Variants in PIP5K1B observed in about 807,000 individuals in gnomAD.
PIP5K1B encodes the protein phosphatidylinositol 4-phosphate 5-kinase type-1 beta.
In PIP5K1B, 42 loss-of-function variants were observed where a neutral mutation model predicts 67.0. That is an observed-to-expected ratio of 0.63 (90% CI 0.49 to 0.81). The LOEUF (loss-of-function observed/expected upper bound fraction) is 0.81, where lower values mean the gene tolerates loss of function less well. Among genes scored for constraint, PIP5K1B ranks in the 30% least tolerant of loss-of-function variants. The pLI is 0.00. For missense variants in PIP5K1B, 459 were observed against 646.3 expected, an observed-to-expected ratio of 0.71 and a Z score of 3.14; for synonymous variants, 214 against 231.4, an observed-to-expected ratio of 0.92 and a Z score of 0.68.
rs1021660342 is a variant in PIP5K1B at position 68,889,254 on chromosome 9, C to T, written c.471+121C>T. On this transcript the variant is annotated intron_variant, in intron 7 of 15. Coordinates refer to ENST00000265382, the MANE Select transcript of PIP5K1B (RefSeq NM_003558.4). ...TTCTTTCTCTTTGGTAAGCTTTATT[C>T]TGCATTTAAATTATGCTATGACATT... 8.3e-6 allele frequency: 6 copies of T among 723,328 alleles called. No individual in the cohort carries two copies. The East Asian group carries it at 1.5e-4, about 18-fold the overall frequency. 44.8% of individuals were successfully genotyped at this position (723,328 alleles called of 1,614,324 possible).
chr9:68,846,533 A>T (rs992149252), intron 4 of PIP5K1B, among the ~76,000 whole-genome samples: 4 of 152,200 alleles, frequency 2.6e-5, no homozygotes, highest in African/African-American at 9.7e-5. Context: ...TAGGGCTGGC[A>T]TATGGAAAAA....
chr9:68,755,315 CCTTGAAA>C (rs1357581194), intron 2 of PIP5K1B, among the ~76,000 whole-genome samples: 1 of 152,188 alleles, frequency 6.6e-6, no homozygotes, highest in East Asian at 1.9e-4. Flanking sequence ...CACCATGGCA[CCTTGAAA>C]GCACATTTAT....
chr9:68,862,519 C>T (rs1376465013), intron 4 of PIP5K1B, among the ~76,000 whole-genome samples: 1 of 152,088 alleles, frequency 6.6e-6, no homozygotes, highest in African/African-American at 2.4e-5. Flanking sequence ...GTGGGCCGGG[C>T]ATGGTGGCTC....
chr9:68,856,966 C>T lies in PIP5K1B; in HGVS notation c.70-6871C>T, dbSNP rs371159875. On this transcript the variant is annotated intron_variant, in intron 4 of 15. Transcript: ENST00000265382. ...AAAGATTTTGAGATAGGGAGATTAT[C>T]TTAGATTATCCAGATGGGTCCATAT... Among the ~76,000 whole-genome samples, 14 of 152,314 alleles carry T rather than the reference C, an allele frequency of 9.2e-5. No homozygotes were observed. In the East Asian group the frequency reaches 1.5e-3, roughly 17 times the overall value.
intron 1 of PIP5K1B, among the ~76,000 whole-genome samples, chr9:68,710,049 A>T (rs1827310610): frequency 6.6e-6 from 1 of 152,190 alleles, no homozygotes. Flanking sequence ...TTGCATTTGC[A>T]TTTTGCTTGT....
intron 12 of PIP5K1B, among the ~76,000 whole-genome samples, chr9:68,931,179 A>C (rs1826975545): frequency 6.6e-6 from 1 of 152,230 alleles, no homozygotes; most frequent in African/African-American, 2.4e-5. Context: ...TTTCCTGGAA[A>C]TATTAGCCAC....
At chr9:68,865,579 G>T (rs1823316705) in intron 5 of PIP5K1B, among the ~76,000 whole-genome samples, 1 of 152,182 alleles carries the variant, frequency 6.6e-6, no homozygotes, top group Non-Finnish European at 1.5e-5. Context: ...GAAGGTGGGG[G>T]TATAAAGACG....
chr9:68,791,883 AG>A (rs1831990742), intron 2 of PIP5K1B, among the ~76,000 whole-genome samples: 2 of 152,208 alleles, frequency 1.3e-5, no homozygotes, highest in South Asian at 4.1e-4. Flanking sequence ...CCAGTACTCT[AG>A]CTAACTGAGC....
At chr9:68,726,703 A>C (rs1828163045) in intron 1 of PIP5K1B, among the ~76,000 whole-genome samples, 2 of 152,218 alleles carry the variant, frequency 1.3e-5, no homozygotes, top group South Asian at 4.1e-4. Flanking sequence ...TAGCAAGATA[A>C]GCTATAGCTG....
intron 4 of PIP5K1B, among the ~76,000 whole-genome samples, chr9:68,852,218 T>TTTA (rs1330314805): frequency 1.3e-5 from 2 of 152,020 alleles, no homozygotes; most frequent in Non-Finnish European, 2.9e-5. Flanking sequence ...ATCCTAGAAC[T>TTTA]CAAAGTAAAA....
At chr9:68,766,843 A>G (rs1484495475) in intron 2 of PIP5K1B, among the ~76,000 whole-genome samples, 3 of 152,206 alleles carry the variant, frequency 2.0e-5, no homozygotes, top group Non-Finnish European at 2.9e-5. Flanking sequence ...ATGAAACACT[A>G]TGGAGATAGG....
intron 8 of PIP5K1B, among the ~76,000 whole-genome samples, chr9:68,910,180 A>C (rs1237973787): frequency 6.6e-6 from 1 of 152,208 alleles, no homozygotes; most frequent in East Asian, 1.9e-4. Context: ...AGCTCAGCCT[A>C]ATTTATAGCA....
intron 2 of PIP5K1B, among the ~76,000 whole-genome samples, chr9:68,790,312 A>G (rs1831888259): frequency 6.6e-6 from 1 of 152,130 alleles, no homozygotes; most frequent in African/African-American, 2.4e-5. Flanking sequence ...AAAAAGGAAA[A>G]CCTCCCTTTG....
chr9:68,849,976 T>C (rs1458370690), intron 4 of PIP5K1B, among the ~76,000 whole-genome samples: 3 of 152,248 alleles, frequency 2.0e-5, no homozygotes, highest in African/African-American at 7.2e-5. Flanking sequence ...ATAGGGTATA[T>C]GCGCTTGGAA....
At chr9:68,795,842 C>T (rs935352893) in intron 2 of PIP5K1B, among the ~76,000 whole-genome samples, 1 of 152,068 alleles carries the variant, frequency 6.6e-6, no homozygotes, top group East Asian at 1.9e-4. Context: ...AGTCAATCAA[C>T]CTTGTTCTAT....
At chr9:68,950,862 G>A (rs1474717087) in intron 14 of PIP5K1B, among the ~76,000 whole-genome samples, 1 of 152,184 alleles carries the variant, frequency 6.6e-6, no homozygotes, top group African/African-American at 2.4e-5. Flanking sequence ...TAATTTAAAT[G>A]ACTTGTTGAT....
intron 13 of PIP5K1B, among the ~76,000 whole-genome samples, chr9:68,938,525 T>C (rs543647270): frequency 6.6e-6 from 1 of 152,290 alleles, no homozygotes; most frequent in Admixed American, 6.5e-5. Flanking sequence ...ATACAGCACA[T>C]TGATGGATCT....
At chr9:68,739,292 CT>C (rs1489677489) in intron 1 of PIP5K1B, among the ~76,000 whole-genome samples, 1 of 152,188 alleles carries the variant, frequency 6.6e-6, no homozygotes, top group East Asian at 1.9e-4. Flanking sequence ...ATCATCAACT[CT>C]TTGTTTTCTG....
intron 2 of PIP5K1B, chr9:68,789,355 A>C (rs1218862718): frequency 1.0e-5 from 4 of 387,146 alleles, no homozygotes; most frequent in Non-Finnish European, 2.0e-5. Flanking sequence ...AATCACAATC[A>C]CATTGTCCTT....
Sources: gnomAD v4.1 joint callset for allele counts (sites outside exome capture counted in the v4.1 genomes callset) on GRCh38, gnomAD v4.1.1 for gene constraint, MANE v1.5 for transcripts, NCBI Gene and HGNC (gene_info 2026-07-23, HGNC 2026-07-21) for gene names.